TRAK1: variants seen among roughly 807,000 people sequenced by gnomAD.
The protein encoded by TRAK1 is trafficking kinesin protein 1.
A neutral mutation model predicts 92.1 loss-of-function variants in TRAK1; 33 were observed. The ratio of observed to expected loss-of-function variants is 0.36; its 90% CI spans 0.27 to 0.48. The LOEUF is 0.48. Ranked by LOEUF, TRAK1 falls within the 20% of genes least tolerant of loss-of-function variation. The pLI is 0.99. For missense variants in TRAK1, 1,123 were observed against 1,257.9 expected, an observed-to-expected ratio of 0.89 and a Z score of 1.62; for synonymous variants, 521 against 517.3, an observed-to-expected ratio of 1.01 and a Z score of -0.10.
rs112220559 is a variant in TRAK1 at position 42,174,205 on chromosome 3, G to T, written c.287-2609G>T. 5.2e-3 allele frequency among the ~76,000 whole-genome samples: 795 copies of T among 151,962 alleles called. 12 individuals are homozygous for T. The highest frequency in any genetic ancestry group is 0.018 in the African/African-American group (744 of 41,440). On this transcript the variant is annotated intron_variant, in intron 2 of 15. Coordinates refer to ENST00000327628, the MANE Select transcript of TRAK1 (RefSeq NM_001042646.3). ...CGGCTGGCTAATTTTTGTGTTTTTA[G>T]TAGAGACAGGTGTGCATTTTATTGG...
intron 1 of TRAK1, among the ~76,000 whole-genome samples, chr3:42,056,884 A>G (rs1278312152): frequency 2.6e-5 from 4 of 152,138 alleles, no homozygotes; most frequent in Middle Eastern, 3.2e-3. Context: ...TCTATTTCCA[A>G]TATTAGGATT....
rs1553739632 is a variant in TRAK1 at position 42,157,489 on chromosome 3, A to AAAAAG, written c.287-19325_287-19324insAAAAG. Among the ~76,000 whole-genome samples the AAAAAG allele has an allele frequency of 8.4e-4, 122 of 144,812 alleles. 1 individual carries two copies. Among genetic ancestry groups the AAAAAG allele is most frequent in the Non-Finnish European group, 1.4e-3 (95 of 65,590 alleles). ...AAAAAAAAAAAAAAAAAAAAAAAAA[A>AAAAAG]GGTTAACATTGGCAGTAGTGGGACC... On this transcript the variant is annotated intron_variant, in intron 2 of 15. Transcript: ENST00000327628.
At chr3:42,095,686 G>A (rs1291053753) in intron 1 of TRAK1, among the ~76,000 whole-genome samples, 2 of 151,556 alleles carry the variant, frequency 1.3e-5, no homozygotes, top group African/African-American at 4.8e-5. Context: ...TTAAAATAGC[G>A]ACATGATATC....
chr3:42,221,071 CTTTTTTTTTT>C (rs369421571), intron 15 of TRAK1, among the ~76,000 whole-genome samples: 39 of 85,408 alleles, frequency 4.6e-4, no homozygotes, highest in African/African-American at 1.9e-3. Context: ...AGAGAAGGCT[CTTTTTTTTTT>C]TTTTTTTTTT....
At chr3:42,041,051 G>GT (rs139290431) in intron 1 of TRAK1, among the ~76,000 whole-genome samples, 16,773 of 141,118 alleles carry the variant, frequency 0.12, 2,971 homozygotes, top group African/African-American at 0.38. Flanking sequence ...CTTTGTTGTT[G>GT]TTTTTTTTTT....
upstream of TRAK1, among the ~76,000 whole-genome samples, chr3:42,089,658 A>T (rs1014954570): frequency 2.1e-5 from 3 of 141,048 alleles, no homozygotes; most frequent in African/African-American, 8.1e-5. Context: ...GTGACATTTT[A>T]TTTGATGCTT....
intron 1 of TRAK1, among the ~76,000 whole-genome samples, chr3:42,120,492 C>T (rs915071612): frequency 3.3e-5 from 5 of 151,910 alleles, no homozygotes; most frequent in East Asian, 1.9e-4. Flanking sequence ...CCTGACCCTC[C>T]GTGGTTCTGC....
At chr3:42,198,384 A>G (rs1440343556) in intron 10 of TRAK1, among the ~76,000 whole-genome samples, 1 of 152,222 alleles carries the variant, frequency 6.6e-6, no homozygotes, top group African/African-American at 2.4e-5. Context: ...AGAGTGGCAA[A>G]GACTTACTGT....
upstream of TRAK1, among the ~76,000 whole-genome samples, chr3:42,089,656 T>G (rs1231144609): frequency 6.8e-6 from 1 of 147,156 alleles, no homozygotes; most frequent in Non-Finnish European, 1.5e-5. Flanking sequence ...AAGTGACATT[T>G]TATTTGATGC....
At chr3:42,157,457 CAAAA>C (rs60622565) in intron 2 of TRAK1, among the ~76,000 whole-genome samples, 235 of 31,026 alleles carry the variant, frequency 7.6e-3, no homozygotes, top group African/African-American at 0.024. Flanking sequence ...GACCCTGTCT[CAAAA>C]AAAAAAAAAA....
chr3:42,071,537 G>A (rs1040248577), intron 1 of TRAK1, among the ~76,000 whole-genome samples: 2 of 151,970 alleles, frequency 1.3e-5, no homozygotes, highest in Non-Finnish European at 2.9e-5. Flanking sequence ...GTGAAATCCC[G>A]TCTCTACTAA....
chr3:42,171,048 C>T (rs1424187953), intron 2 of TRAK1, among the ~76,000 whole-genome samples: 1 of 152,020 alleles, frequency 6.6e-6, no homozygotes, highest in Non-Finnish European at 1.5e-5. Flanking sequence ...ATCTCCTGAC[C>T]TCATGATCCG....
At chr3:42,192,543 C>CA (rs1169368718) in intron 7 of TRAK1, among the ~76,000 whole-genome samples, 3 of 152,030 alleles carry the variant, frequency 2.0e-5, no homozygotes, top group African/African-American at 7.3e-5. Flanking sequence ...TGCATTTCAG[C>CA]AAAATAATGA....
At chr3:42,059,442 A>G (rs77147361) in intron 1 of TRAK1, among the ~76,000 whole-genome samples, 11,688 of 152,198 alleles carry the variant, frequency 0.077, 570 homozygotes, top group South Asian at 0.18. Context: ...TTCATCAGTT[A>G]TCTTTTTGAT....
chr3:42,157,457 CAAAAAAAAAAAAAAAAAAAAAAA>C (rs60622565), intron 2 of TRAK1, among the ~76,000 whole-genome samples: 2 of 31,108 alleles, frequency 6.4e-5, no homozygotes, highest in East Asian at 1.4e-3. Context: ...GACCCTGTCT[CAAAAAAAAAAAAAAAAAAAAAAA>C]AAAAAAAAAG....
intron 1 of TRAK1, among the ~76,000 whole-genome samples, chr3:42,044,220 G>GCA (rs1304559722): frequency 6.6e-6 from 1 of 152,126 alleles, no homozygotes; most frequent in African/African-American, 2.4e-5. Flanking sequence ...GAGTGCAGTG[G>GCA]CACAATCACA....
chr3:42,054,175 C>T (rs796382746), intron 1 of TRAK1, among the ~76,000 whole-genome samples: 1 of 152,182 alleles, frequency 6.6e-6, no homozygotes, highest in Non-Finnish European at 1.5e-5. Context: ...ACCTGAATAA[C>T]GAAATATTCA....
At chr3:42,221,212 G>A (rs1710315030) in intron 15 of TRAK1, among the ~76,000 whole-genome samples, 1 of 151,520 alleles carries the variant, frequency 6.6e-6, no homozygotes, top group African/African-American at 2.4e-5. Flanking sequence ...TAAGTCTAGA[G>A]CATTTTTGCC....
At chr3:42,115,854 C>T (rs914546931) in intron 1 of TRAK1, among the ~76,000 whole-genome samples, 23 of 152,164 alleles carry the variant, frequency 1.5e-4, no homozygotes, top group African/African-American at 5.5e-4. Context: ...AGGGTGGAGT[C>T]GGAGGTCTTG....
Sources: allele counts gnomAD v4.1 joint callset (sites outside exome capture counted in the v4.1 genomes callset), GRCh38; gene constraint gnomAD v4.1.1; transcripts MANE v1.5; gene names NCBI Gene and HGNC (gene_info 2026-07-23, HGNC 2026-07-21).